Variants in C16orf78 observed in about 807,000 individuals in gnomAD.
The protein encoded by C16orf78 is chromosome 16 open reading frame 78.
In C16orf78, 19 loss-of-function variants were observed where a neutral mutation model predicts 27.3. That is an observed-to-expected ratio of 0.70 (90% CI 0.49 to 1.02). The LOEUF is 1.02. Among genes scored for constraint, C16orf78 ranks in the 50% least tolerant of loss-of-function variants. The pLI is 0.00. For synonymous variants in C16orf78, 130 were observed against 116.1 expected (o/e 1.12, Z -0.77); for missense variants, 339 against 337.0 (o/e 1.01, Z -0.05).
At chr16:49,374,233 C>A in intron 1 of C16orf78, 144 bp downstream of exon 1, 3 of 949,036 alleles carry the variant, frequency 3.2e-6, no homozygotes, top group Non-Finnish European at 4.6e-6. Context: ...TACCCAAGGA[C>A]ATTAAGGGGG....
At chr16:49,392,047 A>C (rs1965418884) in intron 3 of C16orf78, among the ~76,000 whole-genome samples, 1 of 152,200 alleles carries the variant, frequency 6.6e-6, no homozygotes, top group Non-Finnish European at 1.5e-5. Context: ...CCCACACCTC[A>C]GGCCACTGTC....
intron 3 of C16orf78, among the ~76,000 whole-genome samples, chr16:49,381,665 G>C (rs1965289006): frequency 6.6e-6 from 1 of 151,174 alleles, no homozygotes; most frequent in South Asian, 2.1e-4. Flanking sequence ...ATGAAAAAAT[G>C]CTCATCATCA....
At chr16:49,395,055 A>T (rs1965454786) in intron 3 of C16orf78, among the ~76,000 whole-genome samples, 2 of 151,966 alleles carry the variant, frequency 1.3e-5, no homozygotes, top group South Asian at 4.2e-4. Flanking sequence ...GTTGTTAGAG[A>T]TGGAGTCTCA....
chr16:49,378,133 G>C (rs1026838502), intron 2 of C16orf78, among the ~76,000 whole-genome samples: 1 of 152,168 alleles, frequency 6.6e-6, no homozygotes, highest in African/African-American at 2.4e-5. Context: ...CTTGGAAGAT[G>C]AGAACACCGT....
intron 3 of C16orf78, among the ~76,000 whole-genome samples, chr16:49,394,909 C>G (rs149003185): frequency 6.6e-6 from 1 of 151,998 alleles, no homozygotes; most frequent in Admixed American, 6.6e-5. Context: ...ACTCTGTCAC[C>G]CAGGCTGAAG....
chr16:49,396,510 T>C lies in C16orf78; in HGVS notation c.482T>C (p.Leu161Ser). ...CAAAGCATTGTCTTAGATCCCATGT[T>C]ACAGGAGGGTACCTTTAACAGCCAG... ...RRQSIVLDPM[L>S]QEGTFNSQRA... The change falls in exon 4 of 5, where the codon TTA (leucine) becomes TCA (serine). Residue 161 changes from leucine (L) to serine (S), a missense_variant. Transcript: ENST00000299191. 6.2e-7 allele frequency: 1 copy of C among 1,614,194 alleles called. No homozygotes were observed. The highest frequency in any genetic ancestry group is 8.5e-7 in the Non-Finnish European group (1 of 1,180,020).
At chr16:49,392,293 A>G (rs376406114) in intron 3 of C16orf78, among the ~76,000 whole-genome samples, 21 of 152,340 alleles carry the variant, frequency 1.4e-4, no homozygotes, top group Admixed American at 5.9e-4. Context: ...CAAATGAATG[A>G]CTTATATTTG....
intron 3 of C16orf78, among the ~76,000 whole-genome samples, chr16:49,378,849 A>G (rs932889564): frequency 5.9e-5 from 9 of 152,024 alleles, no homozygotes; most frequent in African/African-American, 2.2e-4. Context: ...TTCCCTTCTC[A>G]GGAAACCAGC....
chr16:49,390,365 C>T (rs772322975), intron 3 of C16orf78, among the ~76,000 whole-genome samples: 3 of 152,164 alleles, frequency 2.0e-5, no homozygotes, highest in Non-Finnish European at 4.4e-5. Flanking sequence ...CCTGATTACA[C>T]ATATTTAGAG....
chr16:49,376,048 G>C lies in C16orf78; in HGVS notation c.151-1683G>C, dbSNP rs1965213029. On this transcript the variant is annotated intron_variant, in intron 1 of 4. Transcript: ENST00000299191. ...TCAAGCATCATTACCTTTCCCAGAA[G>C]CATCTGGGCTTTTAAAGAAGCTTCT... 2.0e-5 allele frequency among the ~76,000 whole-genome samples: 3 copies of C among 152,350 alleles called. No homozygotes were observed. The South Asian group carries it at 6.2e-4, about 32-fold the overall frequency.
Position 49,373,898 on chromosome 16 carries a change from G to C in C16orf78, c.-42G>C, listed in dbSNP as rs781628537. 1 of 1,610,648 alleles carries C rather than the reference G, an allele frequency of 6.2e-7. No individual in the cohort carries two copies. The highest frequency in any genetic ancestry group is 1.1e-5 in the South Asian group (1 of 90,282). ...ACAAAGGGATCGAAAGAGTGAGACA[G>C]TGCCAGCCACCTCCCACCCAAGCCA... On this transcript the variant is annotated 5_prime_UTR_variant, in exon 1 of 5. Transcript: ENST00000299191.
At chr16:49,390,538 G>A (rs904646742) in intron 3 of C16orf78, among the ~76,000 whole-genome samples, 3 of 152,038 alleles carry the variant, frequency 2.0e-5, no homozygotes, top group African/African-American at 7.2e-5. Context: ...TTCAAATATT[G>A]TTATTTTCAT....
At chr16:49,377,872 C>G (rs1965240575) in intron 2 of C16orf78, 22 bp downstream of exon 2, 8 of 1,554,756 alleles carry the variant, frequency 5.1e-6, no homozygotes, top group South Asian at 3.6e-5. Flanking sequence ...CCTCTTCCCC[C>G]ACTCACCCCC....
chr16:49,390,496 C>A lies in C16orf78; in HGVS notation c.395-5927C>A, dbSNP rs531602112. ...AATCTTTTCTTCTCCAATACCTAATCTTCTGTTAATCCCATCCAATATAAT... is the reference window on the plus strand; with the variant it reads ...AATCTTTTCTTCTCCAATACCTAATATTCTGTTAATCCCATCCAATATAAT... On this transcript the variant is annotated intron_variant, in intron 3 of 4. Transcript: ENST00000299191. 8.5e-5 allele frequency among the ~76,000 whole-genome samples: 13 copies of A among 152,296 alleles called. 1 individual carries two copies. Among genetic ancestry groups the A allele is most frequent in the Admixed American group, 8.5e-4 (13 of 15,292 alleles).
At chr16:49,397,871 C>T (rs1596935273) in intron 4 of C16orf78, among the ~76,000 whole-genome samples, 2 of 152,258 alleles carry the variant, frequency 1.3e-5, no homozygotes, top group South Asian at 4.1e-4. Flanking sequence ...GTTCAAGCCA[C>T]TCTCGTGCCT....
rs377651685 is a variant in C16orf78 at position 49,377,711 on chromosome 16, C to G, written c.151-20C>G. 14 of 1,598,678 alleles carry G rather than the reference C, an allele frequency of 8.8e-6. No individual in the cohort carries two copies. The highest frequency in any genetic ancestry group is 1.2e-5 in the Non-Finnish European group (14 of 1,173,022). Reference sequence around the variant, plus strand: ...TCCCCACAGCAGTGGCTGCAGGGCTCTCTTCCCTTGTCTTTTCAGAAGCAA... The same window carrying G: ...TCCCCACAGCAGTGGCTGCAGGGCTGTCTTCCCTTGTCTTTTCAGAAGCAA... On this transcript the variant is annotated intron_variant, in intron 1 of 4. Coordinates refer to ENST00000299191, the MANE Select transcript of C16orf78 (RefSeq NM_144602.4).
chr16:49,375,328 T>C (rs1404059588), intron 1 of C16orf78, among the ~76,000 whole-genome samples: 1 of 151,828 alleles, frequency 6.6e-6, no homozygotes, highest in Non-Finnish European at 1.5e-5. Context: ...GGGTCATTTA[T>C]TTAAAAAAAA....
At chr16:49,386,203 A>T (rs57034083) in intron 3 of C16orf78, among the ~76,000 whole-genome samples, 5,790 of 152,158 alleles carry the variant, frequency 0.038, 379 homozygotes, top group African/African-American at 0.13. Context: ...CTAAATATAT[A>T]AAAAAAATTA....
chr16:49,388,706 G>A (rs972080591), intron 3 of C16orf78, among the ~76,000 whole-genome samples: 1 of 152,126 alleles, frequency 6.6e-6, no homozygotes, highest in Admixed American at 6.5e-5. Context: ...TAGAGACGAG[G>A]TTTTGACATG....
Sources: gnomAD v4.1 joint callset for allele counts (sites outside exome capture counted in the v4.1 genomes callset) on GRCh38, gnomAD v4.1.1 for gene constraint, MANE v1.5 for transcripts, NCBI Gene and HGNC (gene_info 2026-07-23, HGNC 2026-07-21) for gene names.